Variants in TMEM178B observed in about 807,000 individuals in gnomAD.
The protein encoded by TMEM178B is transmembrane protein 178B.
TMEM178B carries 5 observed loss-of-function variants against 31.0 expected under a neutral mutation model. That is an observed-to-expected ratio of 0.16 (90% CI 0.08 to 0.34). TMEM178B has a LOEUF of 0.34. Among genes scored for constraint, TMEM178B ranks in the 10% least tolerant of loss-of-function variants. The pLI, the probability that TMEM178B is intolerant of heterozygous loss-of-function variation, is 1.00. For missense variants in TMEM178B, 275 were observed against 400.3 expected (o/e 0.69, Z 2.67); for synonymous variants, 164 against 164.0 (o/e 1.00, Z 0.00).
In TMEM178B at chr7:141,437,757, G is replaced by A; in HGVS notation, c.634+12G>A. Reference sequence around the variant, plus strand: ...CTTCCTCATGGGAGGTAAGGCTACGGGCTCGGCTTGTGGGTGGCAGTGGAC... The same window carrying A: ...CTTCCTCATGGGAGGTAAGGCTACGAGCTCGGCTTGTGGGTGGCAGTGGAC... On this transcript the variant is annotated intron_variant, in intron 3 of 3. Transcript: ENST00000565468. The A allele has an allele frequency of 6.5e-7, 1 of 1,536,060 alleles. No individual in the cohort carries two copies. The highest frequency in any genetic ancestry group is 8.7e-7 in the Non-Finnish European group (1 of 1,146,854).
chr7:141,180,463 C>CAAAAAAAAAAA (rs57969132), intron 1 of TMEM178B, among the ~76,000 whole-genome samples: 1 of 83,304 alleles, frequency 1.2e-5, no homozygotes, highest in Non-Finnish European at 2.3e-5. Context: ...GAGCCCATCT[C>CAAAAAAAAAAA]AAAAAAAAAA....
intron 2 of TMEM178B, among the ~76,000 whole-genome samples, chr7:141,260,891 G>C (rs992901402): frequency 1.3e-5 from 2 of 152,156 alleles, no homozygotes; most frequent in Non-Finnish European, 2.9e-5. Context: ...ATGCTCAGAA[G>C]TATTTCCATT....
intron 2 of TMEM178B, among the ~76,000 whole-genome samples, chr7:141,381,894 T>C (rs1013920654): frequency 3.3e-5 from 5 of 152,186 alleles, no homozygotes; most frequent in African/African-American, 1.2e-4. Flanking sequence ...CAGAGATCCA[T>C]TTGTTCATGC....
At chr7:141,436,035 C>T (rs904633916) in intron 2 of TMEM178B, among the ~76,000 whole-genome samples, 8 of 152,114 alleles carry the variant, frequency 5.3e-5, no homozygotes, top group Admixed American at 3.3e-4. Context: ...CCTCCCTGGC[C>T]GGGGGCTGTC....
chr7:141,312,116 C>G (rs1020256678), intron 2 of TMEM178B, among the ~76,000 whole-genome samples: 1 of 152,220 alleles, frequency 6.6e-6, no homozygotes. Context: ...CCATTACCTC[C>G]CATATGCTGT....
chr7:141,339,002 G>C (rs1239296940), intron 2 of TMEM178B, among the ~76,000 whole-genome samples: 2 of 152,148 alleles, frequency 1.3e-5, no homozygotes, highest in African/African-American at 4.8e-5. Context: ...GACTTCCATG[G>C]CGGGTGTTGG....
chr7:141,323,198 G>T (rs1371900822), intron 2 of TMEM178B, among the ~76,000 whole-genome samples: 1 of 152,178 alleles, frequency 6.6e-6, no homozygotes, highest in Non-Finnish European at 1.5e-5. Context: ...TTTAAAAACT[G>T]CTTGTTGTAG....
chr7:141,372,740 A>G (rs1216497704), intron 2 of TMEM178B, among the ~76,000 whole-genome samples: 1 of 152,226 alleles, frequency 6.6e-6, no homozygotes, highest in African/African-American at 2.4e-5. Context: ...TTGAAAATGC[A>G]GAGAACTGCT....
At chr7:141,455,482 C>T (rs1463127773) in intron 3 of TMEM178B, among the ~76,000 whole-genome samples, 3 of 152,304 alleles carry the variant, frequency 2.0e-5, no homozygotes, top group East Asian at 3.9e-4. Flanking sequence ...ACTGGAGAGA[C>T]AATCATACAG....
chr7:141,374,457 T>C (rs112134305), intron 2 of TMEM178B, among the ~76,000 whole-genome samples: 11,611 of 152,210 alleles, frequency 0.076, 496 homozygotes, highest in East Asian at 0.16. Flanking sequence ...CTCTTCTTCA[T>C]TGTGTGCATT....
chr7:141,405,939 A>G (rs1800877749), intron 2 of TMEM178B, among the ~76,000 whole-genome samples: 1 of 152,222 alleles, frequency 6.6e-6, no homozygotes, highest in South Asian at 2.1e-4. Context: ...AGTCCTCATT[A>G]AAATGGAAGC....
At chr7:141,460,113 C>T (rs1000966717) in intron 3 of TMEM178B, among the ~76,000 whole-genome samples, 3 of 152,168 alleles carry the variant, frequency 2.0e-5, no homozygotes, top group African/African-American at 7.2e-5. Flanking sequence ...TGTATATTCA[C>T]CTATTGTATT....
At chr7:141,177,972 G>C (rs1186205826) in intron 1 of TMEM178B, among the ~76,000 whole-genome samples, 1 of 152,174 alleles carries the variant, frequency 6.6e-6, no homozygotes, top group African/African-American at 2.4e-5. Context: ...GTGTGAATTT[G>C]ATCTTGCCAT....
At chr7:141,367,760 A>G (rs1346140898) in intron 2 of TMEM178B, among the ~76,000 whole-genome samples, 2 of 152,190 alleles carry the variant, frequency 1.3e-5, no homozygotes, top group African/African-American at 4.8e-5. Context: ...TGGGAAGCAG[A>G]GGGAGGAGAC....
chr7:141,200,223 G>A (rs1796853644), intron 1 of TMEM178B, among the ~76,000 whole-genome samples: 1 of 152,130 alleles, frequency 6.6e-6, no homozygotes, highest in Admixed American at 6.5e-5. Flanking sequence ...CAGATGATGT[G>A]GAAGCATAGG....
chr7:141,165,101 G>A (rs1247563011), intron 1 of TMEM178B, among the ~76,000 whole-genome samples: 1 of 152,074 alleles, frequency 6.6e-6, no homozygotes, highest in Non-Finnish European at 1.5e-5. Context: ...CCATGGTACA[G>A]CTTTCAAAAT....
intron 2 of TMEM178B, among the ~76,000 whole-genome samples, chr7:141,291,709 G>T (rs1798549096): frequency 6.6e-6 from 1 of 151,978 alleles, no homozygotes; most frequent in Admixed American, 6.6e-5. Flanking sequence ...TTTCAGTTTT[G>T]TGGGAAATGT....
rs1250038816 is a variant in TMEM178B at position 141,479,786 on chromosome 7, T to C, written c.*9000T>C. 2.6e-5 allele frequency: 4 copies of C among 152,190 alleles called. No individual in the cohort carries two copies. The highest frequency in any genetic ancestry group is 2.0e-4 in the Admixed American group (3 of 15,286). The allele number at this position is 152,190 out of a possible 1,614,324, so 9.4% of individuals were successfully genotyped here. On this transcript the variant is annotated 3_prime_UTR_variant, in exon 4 of 4. Transcript: ENST00000565468. Reference sequence around the variant, plus strand: ...TATTGCTCAGTCAATATAAATTTATTTACCTTTATTTTAATTTGCATAGTG... The same window carrying C: ...TATTGCTCAGTCAATATAAATTTATCTACCTTTATTTTAATTTGCATAGTG...
intron 2 of TMEM178B, among the ~76,000 whole-genome samples, chr7:141,240,358 T>A (rs1398180904): frequency 6.6e-6 from 1 of 152,244 alleles, no homozygotes; most frequent in East Asian, 1.9e-4. Context: ...CAAAGAAGAC[T>A]ATTCCAGATT....
Sources: gnomAD v4.1 joint callset for allele counts (sites outside exome capture counted in the v4.1 genomes callset) on GRCh38, gnomAD v4.1.1 for gene constraint, MANE v1.5 for transcripts, NCBI Gene and HGNC (gene_info 2026-07-23, HGNC 2026-07-21) for gene names.